RBM20: variants seen among roughly 807,000 people sequenced by gnomAD.
RBM20 encodes the protein RNA-binding protein 20.
In RBM20, 51 loss-of-function variants were observed where a neutral mutation model predicts 110.1. The ratio of observed to expected loss-of-function variants is 0.46; its 90% CI spans 0.37 to 0.59. The LOEUF is 0.59. Ranked by LOEUF, RBM20 falls within the 20% of genes least tolerant of loss-of-function variation. The pLI, the probability that RBM20 is intolerant of heterozygous loss-of-function variation, is 0.00. For synonymous variants in RBM20, 589 were observed against 618.2 expected (o/e 0.95, Z 0.70); for missense variants, 1,512 against 1,574.9 (o/e 0.96, Z 0.68).
intron 1 of RBM20, among the ~76,000 whole-genome samples, chr10:110,716,446 G>T (rs1863018870): frequency 6.6e-6 from 1 of 152,196 alleles, no homozygotes; most frequent in African/African-American, 2.4e-5. Context: ...CTTTATTCAT[G>T]CAATTGCCAT....
rs1371208217 is a variant in RBM20 at position 110,781,151 on chromosome 10, G to A, written c.542G>A (p.Gly181Glu). ...FSPPSQTRGP[G>E]PSMNLPNQPP... The stretch of plus-strand genomic sequence containing the variant: ...CCCCCCAGCCAGACACGAGGCCCCG[G>A]ACCCTCCATGAACCTTCCCAACCAG... Residue 181 changes from glycine (G) to glutamate (E), a missense_variant, in exon 2 of 14, where the codon GGA (glycine) becomes GAA (glutamate). By Grantham distance (98) the Gly-to-Glu change is moderately conservative. Transcript: ENST00000369519. 5.8e-6 allele frequency: 9 copies of A among 1,551,622 alleles called. No homozygotes were observed. The East Asian group carries it at 7.3e-5, about 13-fold the overall frequency.
At chr10:110,771,575 G>A (rs7096458) in intron 1 of RBM20, among the ~76,000 whole-genome samples, 43,821 of 152,088 alleles carry the variant, frequency 0.29, 6,545 homozygotes, top group East Asian at 0.46. Context: ...AATTATGAGA[G>A]CAGGTGGTGG....
intron 1 of RBM20, among the ~76,000 whole-genome samples, chr10:110,747,438 G>A (rs1279957612): frequency 6.6e-6 from 1 of 152,120 alleles, no homozygotes; most frequent in African/African-American, 2.4e-5. Flanking sequence ...AGCCAAGGAT[G>A]GGGAGAGACA....
intron 7 of RBM20, among the ~76,000 whole-genome samples, 171 bp downstream of exon 7, chr10:110,800,089 G>A (rs915867577): frequency 1.3e-5 from 2 of 152,172 alleles, no homozygotes; most frequent in Non-Finnish European, 2.9e-5. Context: ...GGCAAGAAAA[G>A]TGCTCTTGAG....
Position 110,781,076 on chromosome 10 carries a change from C to T in RBM20, c.467C>T (p.Ala156Val), listed in dbSNP as rs921903094. The change falls in exon 2 of 14, where the codon GCT (alanine) becomes GTT (valine). Residue 156 changes from alanine to valine, a missense_variant. Around this residue, in one of 3 missense-constraint regions of RBM20, gnomAD observed 1,149 missense variants for 1,169.4 expected, o/e 0.98. Transcript: ENST00000369519. Reference protein sequence around the residue: ...PHGHAGVPQHAAAIPSTRFPS... With the variant: ...PHGHAGVPQHVAAIPSTRFPS... ...GGCCATGCTGGGGTTCCCCAACATGCTGCAGCCATACCCAGTACCCGGTTT... is the reference window on the plus strand; with the variant it reads ...GGCCATGCTGGGGTTCCCCAACATGTTGCAGCCATACCCAGTACCCGGTTT... 7.1e-6 allele frequency: 11 copies of T among 1,551,748 alleles called. No individual in the cohort carries two copies. In the East Asian group the frequency reaches 2.7e-4, roughly 38 times the overall value.
At chr10:110,834,356 G>A (rs1313741751) in intron 13 of RBM20, among the ~76,000 whole-genome samples, 1 of 152,174 alleles carries the variant, frequency 6.6e-6, no homozygotes, top group Non-Finnish European at 1.5e-5. Context: ...GCCAACTGCA[G>A]TCTCTTCTAT....
chr10:110,783,225 A>C, intron 2 of RBM20, 141 bp from the exon 3 acceptor site: 1 of 627,992 alleles, frequency 1.6e-6, no homozygotes, highest in Non-Finnish European at 3.0e-6. Flanking sequence ...GGAGAGAGGA[A>C]GGGTGGAGGG....
At position 110,657,021 on chromosome 10, in the gene RBM20, C is replaced by CT. The variant is rs58478679; in HGVS notation, c.191+12389dup. Among the ~76,000 whole-genome samples the CT allele has an allele frequency of 1.7e-3, 248 of 142,954 alleles. 1 individual carries two copies. Among genetic ancestry groups the CT allele is most frequent in the South Asian group, 7.6e-3 (34 of 4,488 alleles). 93.8% of individuals were successfully genotyped at this position (142,954 alleles called of 152,430 possible). Reference sequence around the variant, plus strand: ...GGAATTGGTGGGTCATATGGTAATTCTTTTTTTTTTTTTGAGATGGAATCT... The same window carrying CT: ...GGAATTGGTGGGTCATATGGTAATTCTTTTTTTTTTTTTTGAGATGGAATCT... On this transcript the variant is annotated intron_variant, in intron 1 of 13. Transcript: ENST00000369519.
At chr10:110,712,789 G>A (rs1379534619) in intron 1 of RBM20, among the ~76,000 whole-genome samples, 2 of 152,142 alleles carry the variant, frequency 1.3e-5, no homozygotes, top group African/African-American at 4.8e-5. Context: ...AACTGATCTA[G>A]AGACCCCAAT....
chr10:110,755,153 TG>T (rs557970829), intron 1 of RBM20, among the ~76,000 whole-genome samples: 172 of 152,228 alleles, frequency 1.1e-3, no homozygotes, highest in Non-Finnish European at 1.9e-3. Context: ...CCTATGGGTT[TG>T]GGGGGGACAG....
In RBM20 at chr10:110,687,042, GAAAAAAA is replaced by G. The variant is rs566369908; in HGVS notation, c.191+42406_191+42412del. ...TAACAGAGCGAGACTGTCTCAAAAA[GAAAAAAA>G]AAAAAAAAGAAAAAATTTGTGTTCC... On this transcript the variant is annotated intron_variant, in intron 1 of 13. Coordinates refer to ENST00000369519, the MANE Select transcript of RBM20 (RefSeq NM_001134363.3). 1.7e-4 allele frequency among the ~76,000 whole-genome samples: 20 copies of G among 115,008 alleles called. No individual in the cohort carries two copies. The South Asian group carries it at 5.4e-3, about 31-fold the overall frequency. 75.4% of individuals were successfully genotyped at this position (115,008 alleles called of 152,430 possible). A position where few individuals can be genotyped will look rare whatever the true frequency, so the allele number is the denominator to read the frequency against.
At chr10:110,780,548 T>G (rs1311638690) in intron 1 of RBM20, among the ~76,000 whole-genome samples, 1 of 152,224 alleles carries the variant, frequency 6.6e-6, no homozygotes, top group Admixed American at 6.5e-5. Context: ...AATATTTGTT[T>G]TGAATGGTTT....
chr10:110,765,971 G>A (rs886637491), intron 1 of RBM20, among the ~76,000 whole-genome samples: 12 of 151,994 alleles, frequency 7.9e-5, no homozygotes, highest in East Asian at 1.9e-4. Context: ...TTGATATTTC[G>A]AATGAAATGA....
At chr10:110,705,777 A>G (rs952192380) in intron 1 of RBM20, among the ~76,000 whole-genome samples, 1 of 152,246 alleles carries the variant, frequency 6.6e-6, no homozygotes, top group East Asian at 1.9e-4. Context: ...TCTCATTGAC[A>G]TTGTTTAGAC....
chr10:110,772,978 C>CA lies in RBM20; in HGVS notation c.192-7815dup, dbSNP rs547693313. Among the ~76,000 whole-genome samples, 29 of 151,732 alleles carry CA rather than the reference C, an allele frequency of 1.9e-4. No homozygotes were observed. The South Asian group carries it at 2.5e-3, about 13-fold the overall frequency. ...CCTTTCATCCAGCTTTCTCATTTTA[C>CA]AAAAAAAAGAACTCCCTGAGATCCA... On this transcript the variant is annotated intron_variant, in intron 1 of 13. Transcript: ENST00000369519.
intron 1 of RBM20, among the ~76,000 whole-genome samples, chr10:110,707,888 C>T (rs12259538): frequency 0.13 from 19,857 of 152,118 alleles, 1,407 homozygotes; most frequent in African/African-American, 0.15. Context: ...TAAAAATAAC[C>T]AGAAGAGTGG....
chr10:110,662,606 A>G (rs898554750), intron 1 of RBM20, among the ~76,000 whole-genome samples: 1 of 152,256 alleles, frequency 6.6e-6, no homozygotes. Context: ...GAAGTTGGCA[A>G]TATCTAGCAA....
intron 1 of RBM20, among the ~76,000 whole-genome samples, chr10:110,708,398 A>G (rs1378278208): frequency 6.6e-6 from 1 of 152,200 alleles, no homozygotes; most frequent in Non-Finnish European, 1.5e-5. Flanking sequence ...GACCAGCGTG[A>G]TGAACTTTCA....
chr10:110,707,552 C>G (rs1414131576), intron 1 of RBM20, among the ~76,000 whole-genome samples: 1 of 152,128 alleles, frequency 6.6e-6, no homozygotes, highest in East Asian at 1.9e-4. Context: ...AGATCTGAAG[C>G]CTTAAAAATA....
Sources: allele counts gnomAD v4.1 joint callset (sites outside exome capture counted in the v4.1 genomes callset), GRCh38; gene constraint gnomAD v4.1.1; regional missense constraint gnomAD v4.1.1; transcripts MANE v1.5; gene names NCBI Gene and HGNC (gene_info 2026-07-23, HGNC 2026-07-21).